Variants in ATM observed in about 807,000 individuals in gnomAD.
ATM encodes ATM serine/threonine kinase, also known as serine-protein kinase ATM.
In ATM, 308 loss-of-function variants were observed where a neutral mutation model predicts 387.0. That is an observed-to-expected ratio of 0.80 (90% CI 0.73 to 0.87). The LOEUF (loss-of-function observed/expected upper bound fraction) is 0.87, where lower values mean the gene tolerates loss of function less well. ATM is among the 40% of genes least tolerant of loss of function. ATM has a pLI of 0.00. For missense variants in ATM, 3,312 were observed against 3,560.9 expected (o/e 0.93, Z 1.78); for synonymous variants, 1,156 against 1,187.3 (o/e 0.97, Z 0.54).
At chr11:108,265,480 A>G (rs1053547718) in intron 16 of ATM, among the ~76,000 whole-genome samples, 4 of 152,218 alleles carry the variant, frequency 2.6e-5, no homozygotes, top group African/African-American at 7.2e-5. Flanking sequence ...AGAAAAATCA[A>G]TTCAAGATGG....
chr11:108,254,095 GT>G, intron 13 of ATM, 56 bp downstream of exon 13: 1 of 1,546,268 alleles, frequency 6.5e-7, no homozygotes, highest in South Asian at 1.1e-5. Context: ...TTGGTAAACT[GT>G]TAGGAAGGAG....
intron 33 of ATM, among the ~76,000 whole-genome samples, chr11:108,298,883 A>G (rs2083263032): frequency 1.3e-5 from 2 of 152,252 alleles, no homozygotes; most frequent in African/African-American, 2.4e-5. Flanking sequence ...TGGTGTTTGT[A>G]TATACTAGCA....
intron 5 of ATM, among the ~76,000 whole-genome samples, chr11:108,243,214 A>G (rs2079653833): frequency 6.6e-6 from 1 of 152,180 alleles, no homozygotes; most frequent in African/African-American, 2.4e-5. Flanking sequence ...GTAAGACTCT[A>G]CCTCAAATAA....
chr11:108,331,766 C>T (rs532289002), intron 51 of ATM, 113 bp from the exon 52 acceptor site: 1 of 1,361,986 alleles, frequency 7.3e-7, no homozygotes, highest in Non-Finnish European at 1.0e-6. Context: ...CATACACGCT[C>T]TACCCACTGC....
At chr11:108,304,050 T>G (rs1023008328) in intron 36 of ATM, among the ~76,000 whole-genome samples, 4 of 152,204 alleles carry the variant, frequency 2.6e-5, no homozygotes, top group Non-Finnish European at 5.9e-5. Flanking sequence ...TTCATTCATA[T>G]GTTAAATATG....
chr11:108,296,128 G>A (rs2083106576), intron 32 of ATM: 1 of 152,142 alleles, frequency 6.6e-6, no homozygotes, highest in South Asian at 2.1e-4. Flanking sequence ...ATATATGTAA[G>A]TATGTATTTG....
chr11:108,295,099 C>A, intron 32 of ATM, 40 bp downstream of exon 32: 2 of 1,611,702 alleles, frequency 1.2e-6, no homozygotes, highest in Non-Finnish European at 8.5e-7. Flanking sequence ...CTACCTGTTT[C>A]TTTTTGAAAG....
intron 52 of ATM, among the ~76,000 whole-genome samples, 158 bp from the exon 53 acceptor site, chr11:108,332,604 A>G (rs1227023765): frequency 6.6e-6 from 1 of 152,152 alleles, no homozygotes; most frequent in African/African-American, 2.4e-5. Context: ...TCTTTGATGT[A>G]TTTCATTTAT....
At chr11:108,247,507 T>A (rs599406) in intron 8 of ATM, among the ~76,000 whole-genome samples, 79,866 of 151,928 alleles carry the variant, frequency 0.53, 21,835 homozygotes, top group Middle Eastern at 0.76. Context: ...TAGCATAAAA[T>A]TCACGATTTT....
intron 56 of ATM, among the ~76,000 whole-genome samples, 179 bp from the exon 57 acceptor site, chr11:108,343,043 T>C (rs932994269): frequency 2.6e-5 from 4 of 152,188 alleles, no homozygotes; most frequent in African/African-American, 4.8e-5. Flanking sequence ...AAAATTATAT[T>C]CTTTGAGCTT....
At chr11:108,308,217 G>T (rs761895381) in intron 38 of ATM, 3 of 544,438 alleles carry the variant, frequency 5.5e-6, no homozygotes, top group Non-Finnish European at 9.9e-6. Context: ...TGTTACCTTT[G>T]TTAAATTATG....
chr11:108,292,587 G>A (rs2135796000), intron 29 of ATM, 32 bp from the exon 30 acceptor site: 3 of 1,608,222 alleles, frequency 1.9e-6, no homozygotes, highest in South Asian at 2.2e-5. Flanking sequence ...GAACTTACTG[G>A]TTGTTGTTGT....
At chr11:108,354,007 G>T in intron 60 of ATM, 127 bp downstream of exon 60, 2 of 882,616 alleles carry the variant, frequency 2.3e-6, no homozygotes, top group Non-Finnish European at 3.6e-6. Context: ...TTTGAGCCCA[G>T]GAGTTTGAGT....
Position 108,310,260 on chromosome 11 carries a change from TTACTC to T in ATM, c.5866_5870del (p.Leu1956CysfsTer7). The stretch of plus-strand genomic sequence containing the variant: ...GTCTTGTGCTGCTCACTTTACAGCT[TTACTC>T]TATGCAGAAATCTATGCAGATAAGA... On this transcript the variant is annotated frameshift_variant, in exon 39 of 63. Coordinates refer to ENST00000675843, the MANE Select transcript of ATM (RefSeq NM_000051.4). LOFTEE classifies it high-confidence loss of function. 6.2e-7 allele frequency: 1 copy of T among 1,613,590 alleles called. No individual in the cohort carries two copies. The highest frequency in any genetic ancestry group is 8.5e-7 in the Non-Finnish European group (1 of 1,179,690).
At chr11:108,364,462 A>G (rs2091125277) in intron 61 of ATM, among the ~76,000 whole-genome samples, 1 of 152,158 alleles carries the variant, frequency 6.6e-6, no homozygotes, top group Non-Finnish European at 1.5e-5. Flanking sequence ...TGGTATCCTA[A>G]TTCTACACCT....
intron 54 of ATM, 51 bp downstream of exon 54, chr11:108,334,019 G>C (rs756944398): frequency 7.2e-7 from 1 of 1,395,602 alleles, no homozygotes; most frequent in Non-Finnish European, 1.0e-6. Context: ...TTTTTTATTA[G>C]ATTGAACCAT....
chr11:108,308,365 A>G (rs1189290872), intron 38 of ATM, among the ~76,000 whole-genome samples: 1 of 152,082 alleles, frequency 6.6e-6, no homozygotes, highest in Non-Finnish European at 1.5e-5. Context: ...AGTTGTGTAA[A>G]TGTCTTCTTT....
intron 50 of ATM, chr11:108,331,170 AT>A (rs546074724): frequency 8.9e-7 from 1 of 1,128,522 alleles, no homozygotes. Context: ...TCTTCCTTAG[AT>A]TTTTTGGAAT....
intron 59 of ATM, among the ~76,000 whole-genome samples, chr11:108,353,439 AC>A (rs1259938396): frequency 6.6e-6 from 1 of 152,020 alleles, no homozygotes; most frequent in African/African-American, 2.4e-5. Flanking sequence ...GAGCCACCAC[AC>A]CCAGCCTAAA....
Sources: allele counts gnomAD v4.1 joint callset (sites outside exome capture counted in the v4.1 genomes callset), GRCh38; gene constraint gnomAD v4.1.1; transcripts MANE v1.5; gene names NCBI Gene and HGNC (gene_info 2026-07-23, HGNC 2026-07-21).